The following EBF2 variants were observed in gnomAD, a reference collection of about 807,000 sequenced individuals.
EBF2 encodes transcription factor COE2.
In EBF2, 21 loss-of-function variants were observed where a neutral mutation model predicts 72.8. That is an observed-to-expected ratio of 0.29 (90% CI 0.20 to 0.42). The LOEUF (loss-of-function observed/expected upper bound fraction) is 0.42, where lower values mean the gene tolerates loss of function less well. EBF2 is among the 10% of genes least tolerant of loss of function. EBF2 has a pLI of 1.00. For missense variants in EBF2, 637 were observed against 731.2 expected (o/e 0.87, Z 1.49); for synonymous variants, 299 against 274.2 (o/e 1.09, Z -0.89).
Position 25,842,521 on chromosome 8 carries a change from C to T in EBF2, c.*2088G>A, listed in dbSNP as rs1801759572. 6.6e-6 allele frequency: 1 copy of T among 152,190 alleles called. No individual in the cohort carries two copies. Among genetic ancestry groups the T allele is most frequent in the Non-Finnish European group, 1.5e-5 (1 of 68,034 alleles). 9.4% of individuals were successfully genotyped at this position (152,190 alleles called of 1,614,324 possible). A position where few individuals can be genotyped will look rare whatever the true frequency, so the allele number is the denominator to read the frequency against. ...CTAAACATGCTTAATTTTGCTCTGC[C>T]TTCACTTTTGGAAGGTAACATTCAT... is the stretch of plus-strand genomic sequence containing the variant. On this transcript the variant is annotated 3_prime_UTR_variant, in exon 16 of 16. Transcript: ENST00000520164.
chr8:26,033,235 T>TC (rs1182422596), intron 5 of EBF2, 82 bp from the exon 6 acceptor site: 4 of 1,401,304 alleles, frequency 2.9e-6, no homozygotes, highest in Non-Finnish European at 4.0e-6. Context: ...GAACATTTTT[T>TC]CCCCCCAGAC....
intron 6 of EBF2, among the ~76,000 whole-genome samples, chr8:25,992,157 G>T (rs1474032326): frequency 2.0e-5 from 3 of 151,594 alleles, no homozygotes; most frequent in Admixed American, 6.6e-5. Flanking sequence ...TGGCCTGACA[G>T]GTGAAACCCT....
At chr8:25,946,564 C>T (rs1563409696) in intron 6 of EBF2, among the ~76,000 whole-genome samples, 2 of 152,144 alleles carry the variant, frequency 1.3e-5, no homozygotes, top group African/African-American at 4.8e-5. Flanking sequence ...CTCCTTGCAC[C>T]TTATCTCCAT....
intron 6 of EBF2, among the ~76,000 whole-genome samples, chr8:25,942,176 A>G (rs1050988488): frequency 6.6e-6 from 1 of 152,232 alleles, no homozygotes; most frequent in African/African-American, 2.4e-5. Context: ...GGAACATGCA[A>G]TGGTTCTCAC....
chr8:25,947,461 C>A (rs1008999831), intron 6 of EBF2, among the ~76,000 whole-genome samples: 6 of 152,188 alleles, frequency 3.9e-5, no homozygotes, highest in African/African-American at 1.2e-4. Flanking sequence ...GACTAATACA[C>A]GCATGCTGTA....
intron 1 of EBF2, among the ~76,000 whole-genome samples, chr8:26,043,413 C>A (rs1156613212): frequency 1.3e-5 from 2 of 152,242 alleles, no homozygotes; most frequent in African/African-American, 4.8e-5. Flanking sequence ...GGAAGGAAAG[C>A]GAGGGAGGCG....
intron 6 of EBF2, among the ~76,000 whole-genome samples, chr8:25,918,490 C>A (rs2117131751): frequency 6.6e-6 from 1 of 152,302 alleles, no homozygotes; most frequent in African/African-American, 2.4e-5. Flanking sequence ...TCCAATGTTT[C>A]AGAACACCTT....
intron 6 of EBF2, among the ~76,000 whole-genome samples, chr8:25,995,220 C>A (rs1023508181): frequency 2.0e-5 from 3 of 152,090 alleles, no homozygotes; most frequent in Non-Finnish European, 2.9e-5. Flanking sequence ...GCAGGAGAAT[C>A]GCTTGAATTT....
intron 6 of EBF2, among the ~76,000 whole-genome samples, chr8:25,986,957 A>AC (rs1227497512): frequency 6.6e-6 from 1 of 151,814 alleles, no homozygotes; most frequent in African/African-American, 2.4e-5. Flanking sequence ...TGACACCCTC[A>AC]CCCCCATCAG....
At chr8:25,847,805 A>AT (rs999630776) in intron 15 of EBF2, among the ~76,000 whole-genome samples, 3 of 152,156 alleles carry the variant, frequency 2.0e-5, no homozygotes, top group Non-Finnish European at 4.4e-5. Flanking sequence ...ATTTTCATAG[A>AT]TTTTTTGCAA....
intron 6 of EBF2, among the ~76,000 whole-genome samples, chr8:25,910,723 T>C (rs1803111366): frequency 6.6e-6 from 1 of 152,094 alleles, no homozygotes; most frequent in African/African-American, 2.4e-5. Context: ...ACTCTTTGCT[T>C]GTCTGGGGGG....
chr8:26,027,044 A>G (rs1805312267), intron 6 of EBF2, among the ~76,000 whole-genome samples: 1 of 152,210 alleles, frequency 6.6e-6, no homozygotes, highest in Non-Finnish European at 1.5e-5. Context: ...CACTCAGGAG[A>G]TAACACTACT....
chr8:25,980,987 ACTT>A (rs1368556266), intron 6 of EBF2, among the ~76,000 whole-genome samples: 1 of 151,826 alleles, frequency 6.6e-6, no homozygotes, highest in Non-Finnish European at 1.5e-5. Context: ...TGAACAGAGA[ACTT>A]CAACTACCAC....
chr8:25,993,849 C>T (rs1804582313), intron 6 of EBF2, among the ~76,000 whole-genome samples: 1 of 152,074 alleles, frequency 6.6e-6, no homozygotes, highest in Non-Finnish European at 1.5e-5. Context: ...CGATGAAAAT[C>T]TAGGTGTACC....
At chr8:25,955,388 G>A (rs1278409555) in intron 6 of EBF2, among the ~76,000 whole-genome samples, 2 of 152,232 alleles carry the variant, frequency 1.3e-5, no homozygotes, top group Non-Finnish European at 2.9e-5. Context: ...AGAATTAGAG[G>A]AGAGGGAGAA....
intron 6 of EBF2, among the ~76,000 whole-genome samples, chr8:25,989,257 C>A (rs142584657): frequency 6.6e-6 from 1 of 152,096 alleles, no homozygotes; most frequent in African/African-American, 2.4e-5. Context: ...AGGAAGAGGC[C>A]CTTCTCTGCT....
chr8:25,957,067 A>T (rs1467843342), intron 6 of EBF2, among the ~76,000 whole-genome samples: 3 of 152,232 alleles, frequency 2.0e-5, no homozygotes. Flanking sequence ...TTAAAACCCC[A>T]GAATGTCAGA....
intron 6 of EBF2, among the ~76,000 whole-genome samples, chr8:25,974,876 C>T (rs1024301094): frequency 1.3e-5 from 2 of 152,116 alleles, no homozygotes; most frequent in Admixed American, 6.5e-5. Flanking sequence ...CCATCAGGGT[C>T]GAAGCACCAG....
intron 6 of EBF2, among the ~76,000 whole-genome samples, chr8:25,985,447 A>G (rs1354743191): frequency 6.6e-6 from 1 of 152,204 alleles, no homozygotes; most frequent in Non-Finnish European, 1.5e-5. Flanking sequence ...TCTAATGACG[A>G]TGCCAGGCAC....
Sources: gnomAD v4.1 joint callset for allele counts (sites outside exome capture counted in the v4.1 genomes callset) on GRCh38, gnomAD v4.1.1 for gene constraint, MANE v1.5 for transcripts, NCBI Gene and HGNC (gene_info 2026-07-23, HGNC 2026-07-21) for gene names.